Variants in ARID1B observed in about 807,000 individuals in gnomAD.
ARID1B encodes AT-rich interaction domain 1B.
In ARID1B, 30 loss-of-function variants were observed where a neutral mutation model predicts 212.3. That is an observed-to-expected ratio of 0.14 (90% confidence interval 0.11 to 0.19). The LOEUF is 0.19. ARID1B is among the 10% of genes least tolerant of loss of function. The pLI is 1.00. For missense variants in ARID1B, 2,891 were observed against 3,204.0 expected, an observed-to-expected ratio of 0.90 and a Z score of 2.36; for synonymous variants, 1,402 against 1,301.7, an observed-to-expected ratio of 1.08 and a Z score of -1.66.
At position 156,967,844 on chromosome 6, in the gene ARID1B, A is replaced by G. The variant is rs958778104; in HGVS notation, c.2247+32268A>G. ...TTCTGTGTATATTGAAATTGGTGAT[A>G]AGATTTGCAAGGAACTTTGGTTCAT... On this transcript the variant is annotated intron_variant, in intron 4 of 19. Coordinates refer to ENST00000636930, the MANE Select transcript of ARID1B (RefSeq NM_001374828.1). Among the ~76,000 whole-genome samples the G allele has an allele frequency of 2.6e-5, 4 of 152,318 alleles. No homozygotes were observed. The East Asian group carries it at 7.7e-4, about 29-fold the overall frequency.
At chr6:157,199,672 T>G (rs1267684556) in intron 17 of ARID1B, among the ~76,000 whole-genome samples, 2 of 151,852 alleles carry the variant, frequency 1.3e-5, no homozygotes, top group Non-Finnish European at 2.9e-5. Context: ...CACAAGGAAT[T>G]GCTTTTTTTC....
At chr6:157,199,441 C>A (rs1396661361) in intron 17 of ARID1B, among the ~76,000 whole-genome samples, 1 of 152,074 alleles carries the variant, frequency 6.6e-6, no homozygotes, top group Non-Finnish European at 1.5e-5. Context: ...TACGCAGGAT[C>A]TCCCCCTTAC....
intron 2 of ARID1B, among the ~76,000 whole-genome samples, chr6:156,893,478 T>C (rs191039048): frequency 5.6e-4 from 85 of 152,190 alleles, no homozygotes; most frequent in African/African-American, 1.9e-3. Context: ...CAAAGGAGAC[T>C]ATCGAGAGAG....
intron 2 of ARID1B, among the ~76,000 whole-genome samples, chr6:156,832,503 A>G (rs1300049659): frequency 6.6e-6 from 1 of 152,212 alleles, no homozygotes; most frequent in African/African-American, 2.4e-5. Context: ...GTGAACCTCT[A>G]ATGAGCTGAA....
intron 3 of ARID1B, among the ~76,000 whole-genome samples, chr6:156,924,417 G>T (rs1436759326): frequency 6.6e-6 from 1 of 152,206 alleles, no homozygotes; most frequent in East Asian, 1.9e-4. Flanking sequence ...CTGATTGCCA[G>T]CATCACTATT....
At chr6:157,157,900 CTAGTT>C (rs1171080669) in intron 8 of ARID1B, among the ~76,000 whole-genome samples, 4 of 152,160 alleles carry the variant, frequency 2.6e-5, no homozygotes, top group African/African-American at 4.8e-5. Context: ...GCGCACACCT[CTAGTT>C]CCAGGTACTC....
chr6:156,853,980 C>T (rs1353939979), intron 2 of ARID1B, among the ~76,000 whole-genome samples: 1 of 152,132 alleles, frequency 6.6e-6, no homozygotes, highest in East Asian at 1.9e-4. Flanking sequence ...TGATCCCCCA[C>T]TTTGGCTTCT....
chr6:157,024,203 GGTTTA>G (rs1217378208), intron 4 of ARID1B: 2 of 152,306 alleles, frequency 1.3e-5, no homozygotes, highest in East Asian at 3.9e-4. Flanking sequence ...AATGATATGT[GGTTTA>G]ACTCTTTCAG....
rs933181923 is a variant in ARID1B at position 157,039,015 on chromosome 6, C to A, written c.2248-45647C>A. Among the ~76,000 whole-genome samples, 5 of 151,950 alleles carry A rather than the reference C, an allele frequency of 3.3e-5. No individual in the cohort carries two copies. In the East Asian group the frequency reaches 9.6e-4, roughly 29 times the overall value. ...ACGTCCCAGGCTCAAGCGATGCTCC[C>A]GCCAGCCATGTGCCACCATGCCTGG... On this transcript the variant is annotated intron_variant, in intron 4 of 19. Transcript: ENST00000636930.
At position 157,148,453 on chromosome 6, in the gene ARID1B, G is replaced by A. The variant is rs1407074578; in HGVS notation, c.2762-171G>A. Among the ~76,000 whole-genome samples the A allele has an allele frequency of 6.6e-6, 1 of 152,188 alleles. No individual in the cohort carries two copies. ...TCACTCTCTGAGGGCCTGGGAGTGT[G>A]CAGAGAGAGCATGTTTGAGACTGGC... On this transcript the variant is annotated intron_variant, in intron 7 of 19. Coordinates refer to ENST00000636930, the MANE Select transcript of ARID1B (RefSeq NM_001374828.1). The surrounding 1 kb of genome is among the most constrained non-coding windows in gnomAD (Gnocchi z 5.6).
intron 4 of ARID1B, among the ~76,000 whole-genome samples, chr6:156,964,168 A>G (rs972513355): frequency 3.3e-5 from 5 of 152,162 alleles, no homozygotes; most frequent in African/African-American, 4.8e-5. Context: ...TCATCTTGCA[A>G]CCTTTGGCTT....
intron 1 of ARID1B, among the ~76,000 whole-genome samples, chr6:156,781,797 T>C (rs1779287160): frequency 6.6e-6 from 1 of 152,050 alleles, no homozygotes; most frequent in African/African-American, 2.4e-5. Context: ...CAGCCTGCTT[T>C]TAAAGGAGCA....
rs1786129777 is a variant in ARID1B at position 156,871,565 on chromosome 6, A to G, written c.1987-29811A>G. 4 of 1,542,332 alleles carry G rather than the reference A, an allele frequency of 2.6e-6. No individual in the cohort carries two copies. The South Asian group carries it at 4.6e-5, about 18-fold the overall frequency. On this transcript the variant is annotated intron_variant, in intron 2 of 19. Transcript: ENST00000636930. ...CACAGGGCCAAGATGGGAATCCTGG[A>G]CTGACTCCAACACTGTTGCTCCTAA...
intron 2 of ARID1B, among the ~76,000 whole-genome samples, chr6:156,846,804 G>C (rs541767901): frequency 1.3e-5 from 2 of 152,094 alleles, no homozygotes; most frequent in Non-Finnish European, 2.9e-5. Flanking sequence ...GGACAGGTGG[G>C]GATTGGGAAG....
At position 156,777,954 on chromosome 6, in the gene ARID1B, G is replaced by C. The variant is rs963639621; in HGVS notation, c.274G>C (p.Ala92Pro). Residue 92 changes from alanine (A) to proline (P), a missense_variant, in exon 1 of 20, where the codon GCC (alanine) becomes CCC (proline). Ala to Pro is a conservative substitution (Grantham distance 27). Transcript: ENST00000636930. ...LNMAHNAGAA[A>P]AAGTHSAKSG... ...CATGGCCCATAACGCGGGCGCCGCG[G>C]CCGCCGCCGGCACCCACAGCGCCAA... The C allele has an allele frequency of 2.6e-6, 4 of 1,529,186 alleles. No homozygotes were observed. Among genetic ancestry groups the C allele is most frequent in the Non-Finnish European group, 2.6e-6 (3 of 1,144,490 alleles). 94.7% of individuals were successfully genotyped at this position (1,529,186 alleles called of 1,614,324 possible).
chr6:156,823,062 C>T (rs1206758529), intron 1 of ARID1B, among the ~76,000 whole-genome samples: 3 of 152,198 alleles, frequency 2.0e-5, no homozygotes, highest in South Asian at 2.1e-4. Context: ...CGATCCTTAT[C>T]GAGCTTGTTT....
At chr6:157,042,621 A>G (rs1781961009) in intron 4 of ARID1B, among the ~76,000 whole-genome samples, 1 of 151,866 alleles carries the variant, frequency 6.6e-6, no homozygotes, top group Non-Finnish European at 1.5e-5. Context: ...AATTTATGCT[A>G]TCATTGGGTC....
intron 4 of ARID1B, among the ~76,000 whole-genome samples, chr6:156,969,892 CT>C (rs201337033): frequency 0.064 from 8,638 of 134,218 alleles, 189 homozygotes; most frequent in African/African-American, 0.13. Context: ...TTATATAATG[CT>C]TTTTTTTTTT....
intron 4 of ARID1B, among the ~76,000 whole-genome samples, chr6:157,082,612 A>G (rs1784710478): frequency 6.6e-6 from 1 of 152,164 alleles, no homozygotes; most frequent in Non-Finnish European, 1.5e-5. Context: ...GCTCACAGGT[A>G]CACTTGTAGC....
Sources: gnomAD v4.1 joint callset for allele counts (sites outside exome capture counted in the v4.1 genomes callset) on GRCh38, gnomAD v4.1.1 for gene constraint, Gnocchi (gnomAD v3.1) non-coding constraint, MANE v1.5 for transcripts, NCBI Gene and HGNC (gene_info 2026-07-23, HGNC 2026-07-21) for gene names.